The following LAMA2 variants were observed in gnomAD, a reference collection of about 807,000 sequenced individuals.
LAMA2 encodes the protein laminin subunit alpha 2.
A neutral mutation model predicts 364.8 loss-of-function variants in LAMA2; 269 were observed. That is an observed-to-expected ratio of 0.74 (90% CI 0.67 to 0.82). The LOEUF is 0.82. LAMA2 is among the 40% of genes least tolerant of loss of function. LAMA2 has a pLI of 0.00. For missense variants in LAMA2, 3,807 were observed against 3,873.2 expected, an observed-to-expected ratio of 0.98 and a Z score of 0.45; for synonymous variants, 1,379 against 1,370.6, an observed-to-expected ratio of 1.01 and a Z score of -0.14.
chr6:129,037,086 A>C (rs986120407), intron 1 of LAMA2, among the ~76,000 whole-genome samples: 3 of 152,190 alleles, frequency 2.0e-5, no homozygotes, highest in African/African-American at 7.2e-5. Context: ...TAGGTCTTAG[A>C]ACATTTTAAA....
At chr6:129,458,840 A>G (rs1221338546) in intron 48 of LAMA2, among the ~76,000 whole-genome samples, 1 of 152,020 alleles carries the variant, frequency 6.6e-6, no homozygotes, top group Non-Finnish European at 1.5e-5. Context: ...TTAACTATTC[A>G]GTAACTGATT....
At chr6:129,435,698 A>G (rs1317869772) in intron 41 of LAMA2, among the ~76,000 whole-genome samples, 3 of 152,232 alleles carry the variant, frequency 2.0e-5, no homozygotes, top group East Asian at 1.9e-4. Flanking sequence ...AATCTGTAGT[A>G]TAACAGAAGT....
intron 12 of LAMA2, among the ~76,000 whole-genome samples, chr6:129,213,936 G>A (rs1265675327): frequency 6.6e-6 from 1 of 151,948 alleles, no homozygotes; most frequent in Admixed American, 6.6e-5. Flanking sequence ...CAAACTCAGG[G>A]TTATTTAGAT....
At chr6:129,402,231 A>T (rs1780020340) in intron 38 of LAMA2, 93 bp from the exon 39 acceptor site, 2 of 949,212 alleles carry the variant, frequency 2.1e-6, no homozygotes, top group African/African-American at 1.7e-5. Context: ...AAAAAAACTA[A>T]ACTAAACGTG....
At chr6:128,944,645 A>C (rs1780383279) in intron 1 of LAMA2, among the ~76,000 whole-genome samples, 1 of 151,934 alleles carries the variant, frequency 6.6e-6, no homozygotes, top group Non-Finnish European at 1.5e-5. Context: ...GTAGAAAAAA[A>C]AAAAAAAGAA....
intron 30 of LAMA2, among the ~76,000 whole-genome samples, chr6:129,343,203 T>C (rs1776364108): frequency 6.6e-6 from 1 of 152,208 alleles, no homozygotes; most frequent in Non-Finnish European, 1.5e-5. Context: ...GTAGTTTTAC[T>C]CTAAGAATTT....
At chr6:129,041,127 T>C (rs931757176) in intron 1 of LAMA2, among the ~76,000 whole-genome samples, 2 of 152,262 alleles carry the variant, frequency 1.3e-5, no homozygotes, top group Non-Finnish European at 2.9e-5. Context: ...TTCTTTGAAC[T>C]AAATTCTTCT....
intron 17 of LAMA2, among the ~76,000 whole-genome samples, chr6:129,276,965 T>A (rs1261596280): frequency 2.6e-5 from 4 of 152,140 alleles, no homozygotes; most frequent in Non-Finnish European, 4.4e-5. Flanking sequence ...TATATATGCA[T>A]ACATATATAC....
chr6:129,165,181 A>T (rs1337200564), intron 8 of LAMA2, among the ~76,000 whole-genome samples: 2 of 151,382 alleles, frequency 1.3e-5, no homozygotes, highest in Non-Finnish European at 2.9e-5. Flanking sequence ...TGGGCAAATA[A>T]TTTAGTTTTT....
At chr6:129,261,318 T>A (rs1190433814) in intron 15 of LAMA2, among the ~76,000 whole-genome samples, 1 of 152,094 alleles carries the variant, frequency 6.6e-6, no homozygotes, top group Non-Finnish European at 1.5e-5. Flanking sequence ...AAAAAATACC[T>A]TGATATAGAA....
chr6:129,136,177 G>A (rs1583109628), intron 4 of LAMA2, among the ~76,000 whole-genome samples: 1 of 152,050 alleles, frequency 6.6e-6, no homozygotes, highest in South Asian at 2.1e-4. Context: ...CAATTCTGTG[G>A]ATTACAGGTC....
chr6:129,383,895 A>C (rs1778837461), intron 35 of LAMA2, among the ~76,000 whole-genome samples: 1 of 152,250 alleles, frequency 6.6e-6, no homozygotes, highest in South Asian at 2.1e-4. Flanking sequence ...ATAAACGTGC[A>C]TGCATGTTTA....
intron 29 of LAMA2, among the ~76,000 whole-genome samples, chr6:129,329,925 G>A (rs1249460242): frequency 1.3e-5 from 2 of 152,110 alleles, no homozygotes; most frequent in Non-Finnish European, 1.5e-5. Context: ...TGTACTGCCT[G>A]AGCTCCACCT....
intron 12 of LAMA2, among the ~76,000 whole-genome samples, chr6:129,231,897 T>G (rs969308955): frequency 1.3e-5 from 2 of 152,086 alleles, no homozygotes; most frequent in Admixed American, 1.3e-4. Flanking sequence ...CATTAGATAT[T>G]AGTGACATTT....
intron 60 of LAMA2, 80 bp from the exon 61 acceptor site, chr6:129,505,120 G>A (rs956226453): frequency 1.6e-5 from 20 of 1,263,358 alleles, no homozygotes; most frequent in East Asian, 4.6e-5. Context: ...TGGTAACATC[G>A]TTAGAGTCCT....
intron 17 of LAMA2, among the ~76,000 whole-genome samples, chr6:129,278,513 T>A (rs897127859): frequency 6.6e-6 from 1 of 152,166 alleles, no homozygotes; most frequent in African/African-American, 2.4e-5. Flanking sequence ...ATCCTTTTTT[T>A]TTATTTTATT....
At chr6:129,124,771 C>G (rs927760695) in intron 4 of LAMA2, among the ~76,000 whole-genome samples, 1 of 152,172 alleles carries the variant, frequency 6.6e-6, no homozygotes, top group African/African-American at 2.4e-5. Flanking sequence ...AGTATATTCA[C>G]AGAGTTGTGC....
At chr6:129,103,590 G>C (rs1775647487) in intron 4 of LAMA2, among the ~76,000 whole-genome samples, 1 of 152,064 alleles carries the variant, frequency 6.6e-6, no homozygotes, top group Admixed American at 6.5e-5. Context: ...TATTTTAAGA[G>C]ATATTTAGAG....
intron 32 of LAMA2, 59 bp from the exon 33 acceptor site, chr6:129,366,160 G>C (rs1404201161): frequency 1.3e-6 from 2 of 1,570,340 alleles, no homozygotes; most frequent in East Asian, 2.2e-5. Flanking sequence ...TGAATTCTTT[G>C]AACATCTGCC....
Sources: gnomAD v4.1 joint callset for allele counts (sites outside exome capture counted in the v4.1 genomes callset) on GRCh38, gnomAD v4.1.1 for gene constraint, MANE v1.5 for transcripts, NCBI Gene and HGNC (gene_info 2026-07-23, HGNC 2026-07-21) for gene names.